The following NAV2 variants were observed in gnomAD, a reference collection of about 807,000 sequenced individuals.
The protein encoded by NAV2 is neuron navigator 2.
In NAV2, 54 loss-of-function variants were observed where a neutral mutation model predicts 223.2. That is an observed-to-expected ratio of 0.24 (90% CI 0.19 to 0.30). The LOEUF is 0.30. Ranked by LOEUF, NAV2 falls within the 10% of genes least tolerant of loss-of-function variation. The pLI is 1.00. For synonymous variants in NAV2, 1,279 were observed against 1,239.3 expected (o/e 1.03, Z -0.67); for missense variants, 2,806 against 3,147.5 (o/e 0.89, Z 2.60).
chr11:19,928,961 A>G (rs1443805472), intron 6 of NAV2, among the ~76,000 whole-genome samples: 1 of 152,174 alleles, frequency 6.6e-6, no homozygotes, highest in Non-Finnish European at 1.5e-5. Flanking sequence ...AGGATTAGAA[A>G]TGGACAAAGA....
rs59857072 is a variant in NAV2 at position 20,100,546 on chromosome 11, G to GGTGTGTGT, written c.6182-352_6182-345dup. Reference sequence around the variant, plus strand: ...TGCCATAGGTATAGTATACTAGAGGGGTGTGTGTGTGTGTGTGTGTGTGTG... The same window carrying GGTGTGTGT: ...TGCCATAGGTATAGTATACTAGAGGGGTGTGTGTGTGTGTGTGTGTGTGTGTGTGTGTG... On this transcript the variant is annotated intron_variant, in intron 31 of 37. Transcript: ENST00000349880. 4.0e-3 allele frequency among the ~76,000 whole-genome samples: 569 copies of GGTGTGTGT among 141,846 alleles called. 4 individuals are homozygous for GGTGTGTGT. Among genetic ancestry groups the GGTGTGTGT allele is most frequent in the East Asian group, 0.036 (166 of 4,652 alleles). The allele number at this position is 141,846 out of a possible 152,430, so 93.1% of individuals were successfully genotyped here.
At chr11:19,789,041 G>C (rs891761465) in intron 1 of NAV2, among the ~76,000 whole-genome samples, 2 of 152,052 alleles carry the variant, frequency 1.3e-5, no homozygotes, top group Admixed American at 6.6e-5. Flanking sequence ...CCACTGAGAG[G>C]CATAAGATAG....
chr11:19,386,789 T>C (rs969005850), intron 1 of NAV2, among the ~76,000 whole-genome samples: 1 of 151,874 alleles, frequency 6.6e-6, no homozygotes, highest in African/African-American at 2.4e-5. Context: ...GGGTAAAGGG[T>C]AAAACAAGTG....
intron 1 of NAV2, among the ~76,000 whole-genome samples, chr11:19,559,906 G>A (rs1025869707): frequency 1.3e-5 from 2 of 152,168 alleles, no homozygotes; most frequent in Non-Finnish European, 2.9e-5. Flanking sequence ...TCCCCCTGGG[G>A]GCGGATAGAT....
At chr11:19,771,120 A>C (rs1018123022) in intron 1 of NAV2, among the ~76,000 whole-genome samples, 7 of 152,218 alleles carry the variant, frequency 4.6e-5, no homozygotes, top group Non-Finnish European at 1.0e-4. Flanking sequence ...ATTCTATTTA[A>C]TTATACCAAT....
At chr11:19,674,546 C>T (rs1014741617) in intron 1 of NAV2, among the ~76,000 whole-genome samples, 3 of 152,324 alleles carry the variant, frequency 2.0e-5, no homozygotes, top group Middle Eastern at 3.4e-3. Context: ...AGTGTTGTCA[C>T]GGGCCAGGCT....
intron 1 of NAV2, among the ~76,000 whole-genome samples, chr11:19,655,344 A>T (rs1371969321): frequency 1.3e-5 from 2 of 152,186 alleles, no homozygotes; most frequent in Non-Finnish European, 2.9e-5. Context: ...CGATTCCTCA[A>T]GGATCTATAA....
intron 1 of NAV2, among the ~76,000 whole-genome samples, chr11:19,529,052 G>A (rs2043941305): frequency 1.3e-5 from 2 of 152,036 alleles, no homozygotes; most frequent in Non-Finnish European, 2.9e-5. Flanking sequence ...GGGCGTTTTG[G>A]CACGTGCGTG....
chr11:19,680,034 T>G (rs2048838685), intron 1 of NAV2, among the ~76,000 whole-genome samples: 1 of 152,102 alleles, frequency 6.6e-6, no homozygotes, highest in South Asian at 2.1e-4. Flanking sequence ...CAGTGGGCCA[T>G]CCCATTTGGC....
chr11:19,860,193 A>C (rs2061658428), intron 3 of NAV2, among the ~76,000 whole-genome samples: 1 of 141,152 alleles, frequency 7.1e-6, no homozygotes. Flanking sequence ...TCCCTCCCAG[A>C]CGGGGTGGCT....
intron 22 of NAV2, among the ~76,000 whole-genome samples, chr11:20,070,804 T>C (rs11825438): frequency 0.55 from 83,804 of 151,912 alleles, 23,899 homozygotes; most frequent in East Asian, 0.92. Context: ...GCCTCCACAG[T>C]CTGTATTTTC....
intron 1 of NAV2, among the ~76,000 whole-genome samples, chr11:19,529,056 G>A (rs746796712): frequency 3.9e-5 from 6 of 151,972 alleles, no homozygotes; most frequent in Admixed American, 1.3e-4. Flanking sequence ...GTTTTGGCAC[G>A]TGCGTGCACA....
At chr11:19,370,783 C>T (rs1848442634) in intron 1 of NAV2, among the ~76,000 whole-genome samples, 2 of 152,182 alleles carry the variant, frequency 1.3e-5, no homozygotes, top group African/African-American at 4.8e-5. Context: ...GCTTTGAGGG[C>T]CAGCTTTGTT....
In NAV2 at chr11:19,933,443, C is replaced by T; in HGVS notation, c.1199C>T (p.Ser400Phe). 6.3e-7 allele frequency: 1 copy of T among 1,599,392 alleles called. No individual in the cohort carries two copies. The highest frequency in any genetic ancestry group is 8.5e-7 in the Non-Finnish European group (1 of 1,173,284). Residue 400 changes from serine (S) to phenylalanine (F), a missense_variant, in exon 7 of 38, where the codon TCC becomes TTC. Coordinates refer to ENST00000349880, the MANE Select transcript of NAV2 (RefSeq NM_145117.5). This position sits in a 1 kb window ranked among gnomAD's most constrained non-coding sequence, Gnocchi z 4.3. ...AAGCCGGCCCCCAACAATCAGAAGT[C>T]CATGCTGGAAAAGCTGAAACTTTTC... ...AMKPAPNNQKSMLEKLKLFNS... is the reference protein window; with the variant it reads ...AMKPAPNNQKFMLEKLKLFNS...
intron 11 of NAV2, among the ~76,000 whole-genome samples, chr11:19,991,056 T>A (rs2051282639): frequency 6.6e-6 from 1 of 152,220 alleles, no homozygotes; most frequent in Admixed American, 6.5e-5. Flanking sequence ...ACAGGACTGT[T>A]GTGAGGATCA....
At chr11:19,484,133 C>T (rs1056237583) in intron 1 of NAV2, among the ~76,000 whole-genome samples, 1 of 150,956 alleles carries the variant, frequency 6.6e-6, no homozygotes, top group African/African-American at 2.4e-5. Context: ...CACAAACACA[C>T]ACACACACAC....
intron 14 of NAV2, 28 bp downstream of exon 14, chr11:20,045,698 C>A: frequency 1.3e-6 from 2 of 1,542,504 alleles, no homozygotes; most frequent in Non-Finnish European, 1.8e-6. Flanking sequence ...TGGTGCAGAG[C>A]AGAACCAGAA....
chr11:19,964,900 A>G (rs558723623), intron 10 of NAV2, among the ~76,000 whole-genome samples: 24 of 135,446 alleles, frequency 1.8e-4, no homozygotes, highest in African/African-American at 5.9e-4. Context: ...GCTCACCACA[A>G]CCTCTGCCTC....
At chr11:19,862,954 G>C (rs527467837) in intron 3 of NAV2, among the ~76,000 whole-genome samples, 1 of 152,094 alleles carries the variant, frequency 6.6e-6, no homozygotes, top group African/African-American at 2.4e-5. Context: ...CAGAGGAAGG[G>C]GTATTAGAAG....
Sources: allele counts gnomAD v4.1 joint callset (sites outside exome capture counted in the v4.1 genomes callset), GRCh38; gene constraint gnomAD v4.1.1; non-coding constraint Gnocchi (gnomAD v3.1); transcripts MANE v1.5; gene names NCBI Gene and HGNC (gene_info 2026-07-23, HGNC 2026-07-21).